The following PPARGC1A variants were observed in gnomAD, a reference collection of about 807,000 sequenced individuals.
The protein encoded by PPARGC1A is peroxisome proliferator-activated receptor gamma coactivator 1-alpha.
A neutral mutation model predicts 88.7 loss-of-function variants in PPARGC1A; 25 were observed. That is an observed-to-expected ratio of 0.28 (90% CI 0.21 to 0.39). The LOEUF (loss-of-function observed/expected upper bound fraction) is 0.39. PPARGC1A is among the 10% of genes least tolerant of loss of function. The pLI, the probability that PPARGC1A is intolerant of heterozygous loss-of-function variation, is 1.00. For synonymous variants in PPARGC1A, 363 were observed against 355.6 expected (o/e 1.02, Z -0.24); for missense variants, 880 against 968.7 (o/e 0.91, Z 1.22).
At chr4:24,260,285 A>G in the PPARGC1A span, among the ~76,000 whole-genome samples, 58,830 of 152,008 alleles carry the variant, frequency 0.39, 12,169 homozygotes, top group Non-Finnish European at 0.47. Flanking sequence ...GATCACTGAA[A>G]CCCTGTTCCC....
At chr4:24,361,337 CCAATTTACCTCTTAGAGT>C in the PPARGC1A span, among the ~76,000 whole-genome samples, 10 of 152,176 alleles carry the variant, frequency 6.6e-5, no homozygotes, top group African/African-American at 2.4e-4. Context: ...CTACAACTCC[CCAATTTACCTCTTAGAGT>C]CAAACTGCAA....
chr4:24,134,601 T>C, the PPARGC1A span, among the ~76,000 whole-genome samples: 11 of 152,394 alleles, frequency 7.2e-5, no homozygotes, highest in African/African-American at 2.4e-4. Context: ...GTACTTTGTA[T>C]AAATTAAACA....
chr4:24,330,757 G>A, the PPARGC1A span, among the ~76,000 whole-genome samples: 3 of 152,148 alleles, frequency 2.0e-5, no homozygotes, highest in Non-Finnish European at 4.4e-5. Flanking sequence ...CACACAGCTG[G>A]GAAGGGGTGG....
the PPARGC1A span, among the ~76,000 whole-genome samples, chr4:23,969,884 G>GT: frequency 6.6e-6 from 1 of 152,186 alleles, no homozygotes. Context: ...AAATATCCCA[G>GT]TATGTCCCTT....
chr4:23,865,624 C>T (rs1249621924), intron 2 of PPARGC1A, among the ~76,000 whole-genome samples: 1 of 152,200 alleles, frequency 6.6e-6, no homozygotes, highest in Admixed American at 6.5e-5. Context: ...AGTGACAAGT[C>T]TCCTTGAGGA....
At chr4:24,460,127 G>C in the PPARGC1A span, among the ~76,000 whole-genome samples, 1 of 152,162 alleles carries the variant, frequency 6.6e-6, no homozygotes, top group African/African-American at 2.4e-5. Flanking sequence ...TGGTTACAGT[G>C]GATGCAAAGA....
chr4:24,109,725 C>G, the PPARGC1A span, among the ~76,000 whole-genome samples: 1 of 152,130 alleles, frequency 6.6e-6, no homozygotes, highest in Non-Finnish European at 1.5e-5. Context: ...TGTCCCACAC[C>G]ACTTTCCCTT....
the PPARGC1A span, among the ~76,000 whole-genome samples, chr4:23,947,813 G>T: frequency 6.6e-6 from 1 of 152,054 alleles, no homozygotes; most frequent in Non-Finnish European, 1.5e-5. Flanking sequence ...CTCCATAATT[G>T]CCAATGTGGG....
At chr4:23,860,296 A>G (rs1731010742) in intron 2 of PPARGC1A, among the ~76,000 whole-genome samples, 1 of 123,146 alleles carries the variant, frequency 8.1e-6, no homozygotes, top group Non-Finnish European at 1.6e-5. Flanking sequence ...ATAAACGAGT[A>G]GAATGATGGT....
chr4:23,933,985 T>C, the PPARGC1A span, among the ~76,000 whole-genome samples: 7 of 152,184 alleles, frequency 4.6e-5, no homozygotes, highest in Non-Finnish European at 1.0e-4. Context: ...TACACTGGCA[T>C]AGGGGCTAAG....
intron 7 of PPARGC1A, among the ~76,000 whole-genome samples, chr4:23,817,903 T>G (rs1289901479): frequency 1.3e-5 from 2 of 152,162 alleles, no homozygotes; most frequent in Admixed American, 6.6e-5. Flanking sequence ...TGTTTCTTTC[T>G]TTGAACATAG....
At chr4:24,403,267 T>C in the PPARGC1A span, among the ~76,000 whole-genome samples, 1 of 152,242 alleles carries the variant, frequency 6.6e-6, no homozygotes, top group Admixed American at 6.5e-5. Context: ...GTAATCACTG[T>C]ACTTGGAAAG....
chr4:24,238,793 G>A, the PPARGC1A span, among the ~76,000 whole-genome samples: 1 of 144,912 alleles, frequency 6.9e-6, no homozygotes, highest in African/African-American at 2.6e-5. Flanking sequence ...GTGTGTGTGT[G>A]TGTAGGCATG....
chr4:24,190,627 T>C, the PPARGC1A span, among the ~76,000 whole-genome samples: 1 of 152,230 alleles, frequency 6.6e-6, no homozygotes, highest in Admixed American at 6.5e-5. Flanking sequence ...CTAGGTTTTA[T>C]TATTCCCACT....
chr4:24,408,197 A>C, the PPARGC1A span, among the ~76,000 whole-genome samples: 1 of 152,220 alleles, frequency 6.6e-6, no homozygotes, highest in East Asian at 1.9e-4. Context: ...AGCAAAATCC[A>C]GGCCATGGAA....
chr4:23,877,595 GA>G (rs1319439825), intron 2 of PPARGC1A: 3 of 98,920 alleles, frequency 3.0e-5, no homozygotes, highest in East Asian at 2.8e-4. Flanking sequence ...TTAAGAAGAA[GA>G]AAAAAAAATG....
At chr4:24,046,422 C>T in the PPARGC1A span, among the ~76,000 whole-genome samples, 1 of 152,198 alleles carries the variant, frequency 6.6e-6, no homozygotes, top group Non-Finnish European at 1.5e-5. Context: ...TTCTTCCCCA[C>T]TCCCACTACC....
chr4:24,150,434 C>T, the PPARGC1A span, among the ~76,000 whole-genome samples: 1 of 152,168 alleles, frequency 6.6e-6, no homozygotes, highest in Non-Finnish European at 1.5e-5. Flanking sequence ...CTTGCTTTAG[C>T]TTTTGATTAA....
the PPARGC1A span, among the ~76,000 whole-genome samples, chr4:24,125,021 A>C: frequency 2.0e-5 from 3 of 152,182 alleles, no homozygotes; most frequent in African/African-American, 7.2e-5. Context: ...TTAATCCAGG[A>C]AACTCCTAAA....
Sources: allele counts gnomAD v4.1 joint callset (sites outside exome capture counted in the v4.1 genomes callset), GRCh38; gene constraint gnomAD v4.1.1; transcripts MANE v1.5; gene names NCBI Gene and HGNC (gene_info 2026-07-23, HGNC 2026-07-21).